The following FRMD4A variants were observed in gnomAD, a reference collection of about 807,000 sequenced individuals.
FRMD4A encodes the protein FERM domain-containing protein 4A.
Under a neutral mutation model 129.1 loss-of-function variants are expected in FRMD4A, and 29 were observed. The ratio of observed to expected loss-of-function variants is 0.22; its 90% confidence interval spans 0.17 to 0.31. FRMD4A has a LOEUF of 0.31. Ranked by LOEUF, FRMD4A falls within the 10% of genes least tolerant of loss-of-function variation. The pLI, the probability that FRMD4A is intolerant of heterozygous loss-of-function variation, is 1.00. For synonymous variants in FRMD4A, 634 were observed against 571.6 expected, an observed-to-expected ratio of 1.11 and a Z score of -1.56; for missense variants, 1,272 against 1,375.8, an observed-to-expected ratio of 0.92 and a Z score of 1.19.
intron 2 of FRMD4A, among the ~76,000 whole-genome samples, chr10:14,124,473 C>T (rs550412421): frequency 1.3e-5 from 2 of 152,186 alleles, no homozygotes; most frequent in African/African-American, 4.8e-5. Context: ...GTCAGGAGTT[C>T]GAGACCAGCC....
At chr10:14,070,819 C>T (rs748652557) in intron 2 of FRMD4A, among the ~76,000 whole-genome samples, 1 of 152,168 alleles carries the variant, frequency 6.6e-6, no homozygotes, top group Non-Finnish European at 1.5e-5. Context: ...CATACTGACC[C>T]TGAATCATCA....
At chr10:14,214,049 G>A (rs557261221) in intron 2 of FRMD4A, among the ~76,000 whole-genome samples, 32 of 152,304 alleles carry the variant, frequency 2.1e-4, no homozygotes, top group African/African-American at 6.3e-4. Context: ...CTTGGCTGCC[G>A]CCATGTAAGA....
At chr10:14,319,962 A>G (rs1247338215) in intron 2 of FRMD4A, among the ~76,000 whole-genome samples, 1 of 152,116 alleles carries the variant, frequency 6.6e-6, no homozygotes, top group East Asian at 1.9e-4. Flanking sequence ...GAGTTGTCCC[A>G]GCTGGCTCCT....
intron 2 of FRMD4A, among the ~76,000 whole-genome samples, chr10:13,998,263 TA>T (rs2095629964): frequency 6.6e-6 from 1 of 152,200 alleles, no homozygotes; most frequent in Non-Finnish European, 1.5e-5. Context: ...TCTAGGGGAA[TA>T]AAAGCCCTGC....
intron 2 of FRMD4A, among the ~76,000 whole-genome samples, chr10:13,956,699 T>G (rs1163609854): frequency 6.6e-6 from 1 of 152,218 alleles, no homozygotes; most frequent in Non-Finnish European, 1.5e-5. Context: ...TGTGTATTTT[T>G]CTGAGCGGCA....
chr10:14,057,411 C>T (rs965562150), intron 2 of FRMD4A, among the ~76,000 whole-genome samples: 1 of 152,184 alleles, frequency 6.6e-6, no homozygotes, highest in African/African-American at 2.4e-5. Context: ...TTGACAAACA[C>T]AACAAAATAA....
chr10:13,862,316 T>G (rs1215458652), intron 2 of FRMD4A, among the ~76,000 whole-genome samples: 1 of 152,186 alleles, frequency 6.6e-6, no homozygotes, highest in Non-Finnish European at 1.5e-5. Flanking sequence ...TTGGATCAAA[T>G]AAAGTTTTAA....
intron 2 of FRMD4A, among the ~76,000 whole-genome samples, chr10:14,273,956 A>T (rs1845251596): frequency 6.6e-6 from 1 of 152,196 alleles, no homozygotes; most frequent in Non-Finnish European, 1.5e-5. Context: ...CTGACCTGTG[A>T]AGGGTGGAGA....
chr10:13,957,702 C>T (rs1038608518), intron 2 of FRMD4A, among the ~76,000 whole-genome samples: 5 of 152,156 alleles, frequency 3.3e-5, no homozygotes, highest in Non-Finnish European at 5.9e-5. Context: ...GTTATTTCTG[C>T]GAGCAATGTG....
intron 2 of FRMD4A, among the ~76,000 whole-genome samples, chr10:14,260,461 C>T (rs902090663): frequency 2.6e-5 from 4 of 152,228 alleles, no homozygotes; most frequent in Non-Finnish European, 5.9e-5. Context: ...CTCTCGGGCT[C>T]AGGGTTCACA....
At chr10:13,940,717 G>A (rs2614156) in intron 2 of FRMD4A, among the ~76,000 whole-genome samples, 1 of 151,972 alleles carries the variant, frequency 6.6e-6, no homozygotes, top group South Asian at 2.1e-4. Flanking sequence ...AATGTCAAGA[G>A]AAGATGTCCT....
chr10:14,328,620 A>C (rs886182875), intron 2 of FRMD4A, among the ~76,000 whole-genome samples: 4 of 125,842 alleles, frequency 3.2e-5, no homozygotes, highest in Non-Finnish European at 6.5e-5. Context: ...TATAATATAC[A>C]TATGCATGTG....
intron 5 of FRMD4A, among the ~76,000 whole-genome samples, chr10:13,783,604 A>G (rs1357149764): frequency 1.3e-5 from 2 of 151,754 alleles, no homozygotes; most frequent in Non-Finnish European, 2.9e-5. Context: ...CTGGGCTCAA[A>G]TTATCTGCCC....
chr10:14,109,078 A>G (rs1177458214), intron 2 of FRMD4A, among the ~76,000 whole-genome samples: 1 of 152,124 alleles, frequency 6.6e-6, no homozygotes, highest in Non-Finnish European at 1.5e-5. Flanking sequence ...ACTTACATGA[A>G]AGGCTCTCCA....
At chr10:13,919,405 C>T (rs115282928) in intron 2 of FRMD4A, among the ~76,000 whole-genome samples, 167 of 152,038 alleles carry the variant, frequency 1.1e-3, no homozygotes, top group African/African-American at 3.5e-3. Context: ...TTTGGCAGGG[C>T]GGGTCCAAGA....
chr10:13,823,218 G>A (rs1408342468), intron 3 of FRMD4A, among the ~76,000 whole-genome samples: 1 of 152,124 alleles, frequency 6.6e-6, no homozygotes, highest in Non-Finnish European at 1.5e-5. Flanking sequence ...CCAGCCAGCC[G>A]GCTGGGGAGC....
intron 9 of FRMD4A, among the ~76,000 whole-genome samples, chr10:13,744,239 C>T (rs2091173539): frequency 6.6e-6 from 1 of 152,012 alleles, no homozygotes; most frequent in Non-Finnish European, 1.5e-5. Context: ...TCAGGTGGTC[C>T]AGCATTTACA....
At position 13,707,465 on chromosome 10, in the gene FRMD4A, C is replaced by A. The variant is rs929874295; in HGVS notation, c.760-352G>T. 5.9e-6 allele frequency: 6 copies of A among 1,022,630 alleles called. No individual in the cohort carries two copies. The South Asian group carries it at 2.5e-4, about 42-fold the overall frequency. The allele number at this position is 1,022,630 out of a possible 1,614,324, so 63.3% of individuals were successfully genotyped here. On this transcript the variant is annotated intron_variant, in intron 12 of 24. Transcript: ENST00000357447. ...CAGGAGAGGGAGGAGAGGTGGAGAC[C>A]GGGGAGAGGGACCCAGCAGGGAAGG...
chr10:14,243,812 A>T (rs1402995258), intron 2 of FRMD4A, among the ~76,000 whole-genome samples: 1 of 142,438 alleles, frequency 7.0e-6, no homozygotes, highest in African/African-American at 2.6e-5. Context: ...ACACTTTGTT[A>T]TGTATATATT....
Sources: gnomAD v4.1 joint callset for allele counts (sites outside exome capture counted in the v4.1 genomes callset) on GRCh38, gnomAD v4.1.1 for gene constraint, MANE v1.5 for transcripts, NCBI Gene and HGNC (gene_info 2026-07-23, HGNC 2026-07-21) for gene names.